The following SSBP2 variants were observed in gnomAD, a reference collection of about 807,000 sequenced individuals.
SSBP2 encodes single-stranded DNA-binding protein 2.
In SSBP2, 17 loss-of-function variants were observed where a neutral mutation model predicts 61.8. The observed-to-expected ratio is 0.28, with a 90% CI of 0.19 to 0.41. The LOEUF is 0.41. Among genes scored for constraint, SSBP2 ranks in the 10% least tolerant of loss-of-function variants. The pLI, the probability that SSBP2 is intolerant of heterozygous loss-of-function variation, is 1.00. For synonymous variants in SSBP2, 139 were observed against 141.3 expected (o/e 0.98, Z 0.12); for missense variants, 310 against 458.7 (o/e 0.68, Z 2.96).
At chr5:81,651,784 A>G (rs913748703) in intron 1 of SSBP2, among the ~76,000 whole-genome samples, 2 of 152,154 alleles carry the variant, frequency 1.3e-5, no homozygotes, top group Non-Finnish European at 2.9e-5. Context: ...GGTGATTCTT[A>G]TCACACATTC....
At chr5:81,463,870 G>A (rs187941575) in intron 9 of SSBP2, among the ~76,000 whole-genome samples, 71 of 146,858 alleles carry the variant, frequency 4.8e-4, no homozygotes, top group African/African-American at 1.7e-3. Flanking sequence ...CCGGGCTCAA[G>A]CCATTCTCGT....
chr5:81,558,242 T>C (rs1772758099), intron 4 of SSBP2, among the ~76,000 whole-genome samples: 1 of 152,224 alleles, frequency 6.6e-6, no homozygotes, highest in Non-Finnish European at 1.5e-5. Context: ...TCCATACTGT[T>C]GCTACATGTC....
intron 4 of SSBP2, among the ~76,000 whole-genome samples, chr5:81,583,404 C>A (rs972737335): frequency 3.3e-5 from 5 of 151,940 alleles, no homozygotes; most frequent in African/African-American, 1.2e-4. Context: ...CCAAGGCGGG[C>A]AGATCACAAG....
chr5:81,441,704 T>G (rs1341441219), intron 13 of SSBP2, among the ~76,000 whole-genome samples: 1 of 152,174 alleles, frequency 6.6e-6, no homozygotes, highest in African/African-American at 2.4e-5. Context: ...GCTTATAAAA[T>G]TCTCCAAGAG....
At chr5:81,724,735 T>C (rs538998253) in intron 1 of SSBP2, among the ~76,000 whole-genome samples, 2 of 152,206 alleles carry the variant, frequency 1.3e-5, no homozygotes, top group African/African-American at 4.8e-5. Context: ...AGAGCATTTC[T>C]TCAGACCACA....
intron 5 of SSBP2, among the ~76,000 whole-genome samples, chr5:81,499,756 A>G (rs1767559118): frequency 6.6e-6 from 1 of 152,198 alleles, no homozygotes; most frequent in African/African-American, 2.4e-5. Flanking sequence ...TAAAACAATA[A>G]TTTTTAAAAA....
At chr5:81,750,397 G>T (rs1028819878) in intron 1 of SSBP2, among the ~76,000 whole-genome samples, 25 of 144,882 alleles carry the variant, frequency 1.7e-4, no homozygotes, top group African/African-American at 6.2e-4. Flanking sequence ...CCGCTCGGCC[G>T]CTCCACGCCC....
intron 14 of SSBP2, 103 bp downstream of exon 14, chr5:81,440,455 T>C: frequency 1.1e-6 from 1 of 886,272 alleles, no homozygotes; most frequent in Non-Finnish European, 1.8e-6. Context: ...TATTTAAAAA[T>C]GAGTAGCTGG....
At chr5:81,532,201 G>T (rs11950035) in intron 4 of SSBP2, among the ~76,000 whole-genome samples, 10,639 of 152,046 alleles carry the variant, frequency 0.07, 384 homozygotes, top group Middle Eastern at 0.092. Context: ...GGAGGAGGAA[G>T]TGATCATAGA....
intron 1 of SSBP2, among the ~76,000 whole-genome samples, chr5:81,694,065 A>G (rs1347164524): frequency 6.6e-6 from 1 of 152,234 alleles, no homozygotes; most frequent in Non-Finnish European, 1.5e-5. Flanking sequence ...TAAGTGAAAT[A>G]AGCCAGGCAC....
chr5:81,449,778 C>T (rs967112630), intron 10 of SSBP2, among the ~76,000 whole-genome samples: 17 of 152,124 alleles, frequency 1.1e-4, no homozygotes, highest in African/African-American at 4.1e-4. Flanking sequence ...AAGCTTTTCT[C>T]CTTATTTGGT....
At chr5:81,538,115 C>T (rs1438453259) in intron 4 of SSBP2, among the ~76,000 whole-genome samples, 1 of 152,070 alleles carries the variant, frequency 6.6e-6, no homozygotes, top group African/African-American at 2.4e-5. Context: ...CCTCTTGTAC[C>T]AAACAGTCAA....
chr5:81,494,678 T>G (rs1767155958), intron 5 of SSBP2, among the ~76,000 whole-genome samples: 1 of 152,118 alleles, frequency 6.6e-6, no homozygotes, highest in Non-Finnish European at 1.5e-5. Flanking sequence ...AGAATAAATT[T>G]CTGTTGATTA....
intron 1 of SSBP2, among the ~76,000 whole-genome samples, chr5:81,743,993 G>C (rs1346264952): frequency 6.6e-6 from 1 of 152,148 alleles, no homozygotes; most frequent in Middle Eastern, 3.2e-3. Context: ...GCTGTTTTCT[G>C]TCTCCTGTTT....
intron 4 of SSBP2, among the ~76,000 whole-genome samples, chr5:81,585,918 C>T (rs1156777634): frequency 6.6e-6 from 1 of 152,110 alleles, no homozygotes; most frequent in Admixed American, 6.5e-5. Context: ...TGCCTGGCTT[C>T]ATACACTTAA....
At chr5:81,594,198 T>C (rs1743454996) in intron 4 of SSBP2, among the ~76,000 whole-genome samples, 3 of 152,134 alleles carry the variant, frequency 2.0e-5, no homozygotes, top group African/African-American at 7.2e-5. Context: ...AATCCTAGTT[T>C]CTGATAAAAC....
chr5:81,688,311 A>G (rs1752971406), intron 1 of SSBP2, among the ~76,000 whole-genome samples: 1 of 152,208 alleles, frequency 6.6e-6, no homozygotes, highest in South Asian at 2.1e-4. Flanking sequence ...TGGCTGCTGA[A>G]TGGCATCACT....
At chr5:81,536,100 G>T (rs552001952) in intron 4 of SSBP2, among the ~76,000 whole-genome samples, 106 of 152,230 alleles carry the variant, frequency 7.0e-4, no homozygotes, top group African/African-American at 2.4e-3. Flanking sequence ...CTCAGCAAAG[G>T]AGATATACAG....
intron 1 of SSBP2, among the ~76,000 whole-genome samples, chr5:81,738,439 T>C (rs1419031025): frequency 6.6e-6 from 1 of 152,196 alleles, no homozygotes; most frequent in Non-Finnish European, 1.5e-5. Flanking sequence ...CACTTATCCT[T>C]TCTCATTTCT....
Sources: allele counts gnomAD v4.1 joint callset (sites outside exome capture counted in the v4.1 genomes callset), GRCh38; gene constraint gnomAD v4.1.1; transcripts MANE v1.5; gene names NCBI Gene and HGNC (gene_info 2026-07-23, HGNC 2026-07-21).